PDE4D: variants seen among roughly 807,000 people sequenced by gnomAD.
PDE4D encodes phosphodiesterase 4D.
A neutral mutation model predicts 87.4 loss-of-function variants in PDE4D; 24 were observed. The ratio of observed to expected loss-of-function variants is 0.27; its 90% confidence interval spans 0.20 to 0.39. The LOEUF (loss-of-function observed/expected upper bound fraction) is 0.39. PDE4D is among the 10% of genes least tolerant of loss of function. The probability of loss-of-function intolerance (pLI) is 1.00; values close to 1 mark genes in which losing one functional copy is unlikely to be tolerated. For missense variants in PDE4D, 714 were observed against 1,041.0 expected, an observed-to-expected ratio of 0.69 and a Z score of 4.32; for synonymous variants, 384 against 383.2, an observed-to-expected ratio of 1.00 and a Z score of -0.02.
At chr5:59,702,025 AAAG>A (rs1752650901) in intron 1 of PDE4D, among the ~76,000 whole-genome samples, 1 of 152,244 alleles carries the variant, frequency 6.6e-6, no homozygotes, top group African/African-American at 2.4e-5. Flanking sequence ...ATATGACAGA[AAAG>A]AATGAAGAGG....
At chr5:59,972,694 A>T (rs1218336163) in intron 3 of PDE4D, among the ~76,000 whole-genome samples, 2 of 152,208 alleles carry the variant, frequency 1.3e-5, no homozygotes, top group Non-Finnish European at 2.9e-5. Flanking sequence ...AATAAGACTA[A>T]CAGTTCACTT....
At chr5:59,188,565 A>T (rs924054766) in intron 3 of PDE4D, among the ~76,000 whole-genome samples, 6 of 152,168 alleles carry the variant, frequency 3.9e-5, no homozygotes, top group African/African-American at 1.4e-4. Flanking sequence ...AAAAAAGAGG[A>T]AAATAAATGG....
At chr5:59,367,225 A>C (rs999819677) in intron 1 of PDE4D, among the ~76,000 whole-genome samples, 4 of 152,246 alleles carry the variant, frequency 2.6e-5, no homozygotes, top group Admixed American at 2.6e-4. Flanking sequence ...AAAAAAGTTA[A>C]TGTTAATACT....
chr5:59,449,468 A>G (rs1798824123), intron 1 of PDE4D, among the ~76,000 whole-genome samples: 1 of 152,194 alleles, frequency 6.6e-6, no homozygotes, highest in Non-Finnish European at 1.5e-5. Flanking sequence ...CCTTGAACCC[A>G]TTGTGCAAAA....
At chr5:59,641,484 C>A (rs1259050859) in intron 1 of PDE4D, among the ~76,000 whole-genome samples, 1 of 152,184 alleles carries the variant, frequency 6.6e-6, no homozygotes, top group African/African-American at 2.4e-5. Context: ...ACTTCAAATT[C>A]TTTCCAGCTT....
chr5:59,148,302 C>T (rs1465323497), intron 5 of PDE4D, among the ~76,000 whole-genome samples: 2 of 152,166 alleles, frequency 1.3e-5, no homozygotes, highest in African/African-American at 4.8e-5. Flanking sequence ...AAGAAACACA[C>T]TTATAAGATT....
At chr5:60,274,763 T>C (rs1185032156) in intron 1 of PDE4D, among the ~76,000 whole-genome samples, 1 of 152,250 alleles carries the variant, frequency 6.6e-6, no homozygotes, top group Non-Finnish European at 1.5e-5. Context: ...CTTGGGCTAT[T>C]GGCAGTGTAC....
intron 1 of PDE4D, among the ~76,000 whole-genome samples, chr5:59,249,094 T>G (rs1406554545): frequency 1.3e-5 from 2 of 152,076 alleles, no homozygotes; most frequent in African/African-American, 2.4e-5. Context: ...AAGGTTCATC[T>G]ATCTAATACA....
Position 60,320,503 on chromosome 5 carries a change from C to T in PDE4D, c.-89-134816G>A, listed in dbSNP as rs568220815. Among the ~76,000 whole-genome samples, 48 of 152,256 alleles carry T rather than the reference C, an allele frequency of 3.2e-4. 1 individual carries two copies. The highest frequency in any genetic ancestry group is 1.7e-3 in the South Asian group (8 of 4,824). On this transcript the variant is annotated intron_variant, in intron 1 of 16. Coordinates refer to the PDE4D transcript ENST00000502484. ...CACCCACTGTCCTGCACCCACTTTC[C>T]GACACTCCCCAGTGAGATGAACCTG...
At chr5:59,126,818 C>T (rs189821860) in intron 5 of PDE4D, among the ~76,000 whole-genome samples, 1 of 152,066 alleles carries the variant, frequency 6.6e-6, no homozygotes, top group African/African-American at 2.4e-5. Context: ...TGGAAAGCTG[C>T]CCATTAATGC....
At chr5:60,270,739 A>G (rs1750726111) in intron 1 of PDE4D, among the ~76,000 whole-genome samples, 1 of 152,208 alleles carries the variant, frequency 6.6e-6, no homozygotes, top group Non-Finnish European at 1.5e-5. Context: ...GATTTTCTCA[A>G]TGAAATCTCC....
At chr5:59,907,491 G>A (rs898219626) in intron 3 of PDE4D, among the ~76,000 whole-genome samples, 2 of 151,980 alleles carry the variant, frequency 1.3e-5, no homozygotes, top group Non-Finnish European at 1.5e-5. Flanking sequence ...GGTACTAGGC[G>A]TAGTACCTGG....
chr5:60,430,744 C>CT (rs1744181688), intron 1 of PDE4D: 1 of 304,412 alleles, frequency 3.3e-6, no homozygotes, highest in Non-Finnish European at 6.1e-6. Context: ...GGTGATGACT[C>CT]TTAACGAGCA....
chr5:59,408,113 ATCT>A (rs1207570935), intron 1 of PDE4D, among the ~76,000 whole-genome samples: 1 of 152,198 alleles, frequency 6.6e-6, no homozygotes, highest in Non-Finnish European at 1.5e-5. Context: ...CATTTCAGAG[ATCT>A]TCTAGGCAGC....
chr5:59,542,440 G>A (rs894383618), intron 1 of PDE4D, among the ~76,000 whole-genome samples: 2 of 152,096 alleles, frequency 1.3e-5, no homozygotes, highest in African/African-American at 4.8e-5. Context: ...ATTCTCATAT[G>A]CTGTGAGGAT....
At chr5:60,185,936 G>A (rs200658371) in intron 1 of PDE4D, among the ~76,000 whole-genome samples, 49 of 139,306 alleles carry the variant, frequency 3.5e-4, no homozygotes, top group African/African-American at 3.2e-4. Flanking sequence ...TTTAGTGGCT[G>A]AAAAAAAAAA....
intron 6 of PDE4D, among the ~76,000 whole-genome samples, chr5:59,031,890 G>T (rs879804617): frequency 4.0e-5 from 6 of 151,810 alleles, no homozygotes; most frequent in Non-Finnish European, 5.9e-5. Flanking sequence ...TAGAAAAGTC[G>T]ATCTCAGAAA....
At chr5:60,085,075 C>G (rs1173034985) in intron 2 of PDE4D, among the ~76,000 whole-genome samples, 1 of 152,114 alleles carries the variant, frequency 6.6e-6, no homozygotes, top group African/African-American at 2.4e-5. Context: ...AGACAGAACT[C>G]TAGATACTTT....
At chr5:59,940,594 A>C (rs1554118296) in intron 3 of PDE4D, among the ~76,000 whole-genome samples, 1 of 152,168 alleles carries the variant, frequency 6.6e-6, no homozygotes, top group Non-Finnish European at 1.5e-5. Context: ...CATTCACTGA[A>C]ATAGAGAACA....
Sources: allele counts gnomAD v4.1 joint callset (sites outside exome capture counted in the v4.1 genomes callset), GRCh38; gene constraint gnomAD v4.1.1; transcripts MANE v1.5; gene names NCBI Gene and HGNC (gene_info 2026-07-23, HGNC 2026-07-21).